The following PIAS1 variants were observed in gnomAD, a reference collection of about 807,000 sequenced individuals.
PIAS1 encodes E3 SUMO-protein ligase PIAS1.
In PIAS1, 6 loss-of-function variants were observed where a neutral mutation model predicts 71.3. The observed-to-expected ratio is 0.08, with a 90% confidence interval of 0.05 to 0.17. PIAS1 has a LOEUF of 0.17. Ranked by LOEUF, PIAS1 falls within the 10% of genes least tolerant of loss-of-function variation. PIAS1 has a pLI of 1.00. For missense variants in PIAS1, 555 were observed against 793.6 expected, an observed-to-expected ratio of 0.70 and a Z score of 3.61; for synonymous variants, 303 against 292.9, an observed-to-expected ratio of 1.03 and a Z score of -0.35.
At chr15:68,172,689 ACT>A (rs1234530587) in intron 8 of PIAS1, among the ~76,000 whole-genome samples, 1 of 152,068 alleles carries the variant, frequency 6.6e-6, no homozygotes, top group Non-Finnish European at 1.5e-5. Flanking sequence ...GGATCTGGGG[ACT>A]CTACAGTGGT....
chr15:68,176,858 A>T (rs979707307), intron 11 of PIAS1, among the ~76,000 whole-genome samples: 1 of 152,204 alleles, frequency 6.6e-6, no homozygotes, highest in Non-Finnish European at 1.5e-5. Flanking sequence ...AGTATTCTTC[A>T]TATCAAAAGA....
chr15:68,069,919 ATAAT>A (rs1329311257), intron 1 of PIAS1, among the ~76,000 whole-genome samples: 8 of 152,194 alleles, frequency 5.3e-5, no homozygotes, highest in African/African-American at 1.7e-4. Context: ...AGATGTTTTA[ATAAT>A]TAGGAAGAAC....
chr15:68,075,554 G>A (rs72759517), intron 1 of PIAS1, among the ~76,000 whole-genome samples: 4,052 of 152,128 alleles, frequency 0.027, 88 homozygotes, highest in Non-Finnish European at 0.037. Flanking sequence ...ACTAAAGGAT[G>A]CTTTTGTTGT....
At chr15:68,094,281 C>G (rs906445897) in intron 2 of PIAS1, among the ~76,000 whole-genome samples, 1 of 151,504 alleles carries the variant, frequency 6.6e-6, no homozygotes, top group Non-Finnish European at 1.5e-5. Flanking sequence ...TAGATTGACC[C>G]TTTTTCCTAT....
chr15:68,128,336 T>G (rs1476872349), intron 2 of PIAS1, among the ~76,000 whole-genome samples: 1 of 152,112 alleles, frequency 6.6e-6, no homozygotes, highest in Non-Finnish European at 1.5e-5. Flanking sequence ...CCAGCTAATT[T>G]TTGTACTTTT....
chr15:68,174,151 T>G lies in PIAS1; in HGVS notation c.1169+259T>G, dbSNP rs1295380187. ...CATTTGTCGTTGAAAGCACTGGTGC[T>G]TTTAAGCAGGGTGTGCTTATACCTT... On this transcript the variant is annotated intron_variant, in intron 9 of 13. Transcript: ENST00000249636. This position sits in a 1 kb window ranked among gnomAD's most constrained non-coding sequence, Gnocchi z 4.0. 6.6e-6 allele frequency among the ~76,000 whole-genome samples: 1 copy of G among 152,266 alleles called. No homozygotes were observed. The highest frequency in any genetic ancestry group is 1.5e-5 in the Non-Finnish European group (1 of 68,040).
chr15:68,074,757 G>A (rs1430703920), intron 1 of PIAS1, among the ~76,000 whole-genome samples: 4 of 151,840 alleles, frequency 2.6e-5, no homozygotes, highest in African/African-American at 9.7e-5. Flanking sequence ...CTTTTTGACA[G>A]AGTAAGTTGT....
intron 1 of PIAS1, among the ~76,000 whole-genome samples, chr15:68,066,768 G>A (rs531927860): frequency 2.0e-5 from 3 of 151,972 alleles, no homozygotes; most frequent in African/African-American, 7.2e-5. Flanking sequence ...TTCAAAATCA[G>A]GTAGCATCTT....
rs75793649 is a variant in PIAS1 at position 68,126,356 on chromosome 15, C to G, written c.470-15590C>G. Among the ~76,000 whole-genome samples the G allele has an allele frequency of 6.0e-3, 917 of 152,168 alleles. 10 individuals are homozygous for G. The highest frequency in any genetic ancestry group is 0.021 in the African/African-American group (872 of 41,538). On this transcript the variant is annotated intron_variant, in intron 2 of 13. Transcript: ENST00000249636. ...GTCCAGCCTGTCTATTGAGCTTTTC[C>G]TTTGTGCATCGTATTTTTACCCTCC...
chr15:68,055,194 C>T (rs920285891), intron 1 of PIAS1: 1 of 985,458 alleles, frequency 1.0e-6, no homozygotes, highest in Non-Finnish European at 1.2e-6. Flanking sequence ...TTGGGGGTCT[C>T]TGCACACACC....
chr15:68,130,001 T>G (rs920024921), intron 2 of PIAS1, among the ~76,000 whole-genome samples: 6 of 152,092 alleles, frequency 3.9e-5, no homozygotes, highest in African/African-American at 1.4e-4. Flanking sequence ...ACAGTGAGTA[T>G]TGCATATTTT....
rs2093123476 is a variant in PIAS1 at position 68,192,200 on chromosome 15, A to G, written c.*4365A>G. 1 of 152,010 alleles carries G rather than the reference A, an allele frequency of 6.6e-6. No homozygotes were observed. Among genetic ancestry groups the G allele is most frequent in the African/African-American group, 2.4e-5 (1 of 41,386 alleles). 9.4% of individuals were successfully genotyped at this position (152,010 alleles called of 1,614,324 possible). A position where few individuals can be genotyped will look rare whatever the true frequency, so the allele number is the denominator to read the frequency against. On this transcript the variant is annotated 3_prime_UTR_variant, in exon 14 of 14. Transcript: ENST00000249636. ...TCCTAATGTCCATGACTGGAGCTCA[A>G]AAGAACTGTGGGCCTAGGACCTTTG...
intron 7 of PIAS1, among the ~76,000 whole-genome samples, chr15:68,163,374 T>A (rs2092937216): frequency 6.6e-6 from 1 of 152,214 alleles, no homozygotes; most frequent in South Asian, 2.1e-4. Flanking sequence ...GGAGACAGCC[T>A]GTGAAATATA....
intron 2 of PIAS1, among the ~76,000 whole-genome samples, chr15:68,123,647 C>T (rs995622822): frequency 6.6e-6 from 1 of 152,004 alleles, no homozygotes; most frequent in African/African-American, 2.4e-5. Flanking sequence ...GAGGAGTCTG[C>T]ACTATAGGAA....
intron 2 of PIAS1, among the ~76,000 whole-genome samples, chr15:68,132,543 A>G (rs2092695585): frequency 6.6e-6 from 1 of 152,170 alleles, no homozygotes; most frequent in African/African-American, 2.4e-5. Context: ...ACCCTGGAAG[A>G]TCTACAAATA....
At chr15:68,182,583 G>A (rs888557911) in intron 12 of PIAS1, among the ~76,000 whole-genome samples, 1 of 151,526 alleles carries the variant, frequency 6.6e-6, no homozygotes, top group Non-Finnish European at 1.5e-5. Context: ...ACCACGCCTG[G>A]CTAATTTTGT....
rs1482840995 is a variant in PIAS1, at chr15:68,167,913, G to A, written c.1008+3109G>A. On this transcript the variant is annotated intron_variant, in intron 8 of 13. Coordinates refer to ENST00000249636, the MANE Select transcript of PIAS1 (RefSeq NM_016166.3). This position sits in a 1 kb window ranked among gnomAD's most constrained non-coding sequence, Gnocchi z 4.4. ...GTAGAGATGGGGTTTCACCATGTTGGCCAGGCTGGTCTCAAACTCCTGACC... is the reference window on the plus strand; with the variant it reads ...GTAGAGATGGGGTTTCACCATGTTGACCAGGCTGGTCTCAAACTCCTGACC... Among the ~76,000 whole-genome samples the A allele has an allele frequency of 2.0e-5, 3 of 152,038 alleles. No homozygotes were observed. The highest frequency in any genetic ancestry group is 1.3e-4 in the Admixed American group (2 of 15,256).
intron 1 of PIAS1, among the ~76,000 whole-genome samples, chr15:68,064,893 T>C (rs2091999951): frequency 6.6e-6 from 1 of 152,208 alleles, no homozygotes; most frequent in Non-Finnish European, 1.5e-5. Context: ...GAGATTTATG[T>C]TAACAAGTAA....
In PIAS1 at chr15:68,148,405, G is replaced by T. The variant is rs565404897; in HGVS notation, c.828+1705G>T. On this transcript the variant is annotated intron_variant, in intron 6 of 13. Transcript: ENST00000249636. ...GGACTAAACCATTCAGGGCATTGTAGGTAATGTTAAAGTTAAGGATTTTCT... is the reference window on the plus strand; with the variant it reads ...GGACTAAACCATTCAGGGCATTGTATGTAATGTTAAAGTTAAGGATTTTCT... Among the ~76,000 whole-genome samples, 11 of 152,092 alleles carry T rather than the reference G, an allele frequency of 7.2e-5. No individual in the cohort carries two copies. In the East Asian group the frequency reaches 2.1e-3, roughly 29 times the overall value.
Sources: allele counts gnomAD v4.1 joint callset (sites outside exome capture counted in the v4.1 genomes callset), GRCh38; gene constraint gnomAD v4.1.1; non-coding constraint Gnocchi (gnomAD v3.1); transcripts MANE v1.5; gene names NCBI Gene and HGNC (gene_info 2026-07-23, HGNC 2026-07-21).